The following RBL2 variants were observed in gnomAD, a reference collection of about 807,000 sequenced individuals.
The protein encoded by RBL2 is retinoblastoma-like protein 2.
A neutral mutation model predicts 126.0 loss-of-function variants in RBL2; 56 were observed. That is an observed-to-expected ratio of 0.44 (90% CI 0.36 to 0.56). The LOEUF (loss-of-function observed/expected upper bound fraction) is 0.56, where lower values mean the gene tolerates loss of function less well. RBL2 is among the 20% of genes least tolerant of loss of function. The pLI is 0.00. For synonymous variants in RBL2, 454 were observed against 478.5 expected (o/e 0.95, Z 0.67); for missense variants, 1,229 against 1,398.2 (o/e 0.88, Z 1.93).
rs777480060 is a variant in RBL2 at position 53,453,599 on chromosome 16, T to G, written c.914T>G (p.Leu305Arg). 1 of 1,604,364 alleles carries G rather than the reference T, an allele frequency of 6.2e-7. No homozygotes were observed. Among genetic ancestry groups the G allele is most frequent in the Non-Finnish European group, 8.5e-7 (1 of 1,176,316 alleles). ...EHFWKPYIRK[L>R]YEKKLLKGKE... ...TTCTGGAAACCCTATATTAGGAAAC[T>G]TTATGAAAAAAAGGTTTGTAAGTAG... Residue 305 changes from leucine to arginine, a missense_variant, in exon 6 of 22, where the codon CTT (leucine) becomes CGT (arginine). Physicochemically the swap from Leu to Arg is moderately radical, Grantham distance 102. This residue lies in a region of RBL2 where 1,070 missense variants were observed against 1,274.3 expected (regional missense o/e 0.84). Transcript: ENST00000262133.
At chr16:53,449,202 G>A (rs1346594260) in intron 4 of RBL2, 3 of 151,998 alleles carry the variant, frequency 2.0e-5, no homozygotes, top group African/African-American at 7.2e-5. Flanking sequence ...TGATTGTATT[G>A]GGCAAGTATG....
intron 9 of RBL2, among the ~76,000 whole-genome samples, chr16:53,459,924 G>C (rs886186987): frequency 1.3e-5 from 2 of 151,966 alleles, no homozygotes; most frequent in East Asian, 1.9e-4. Flanking sequence ...AGGTGGGGGC[G>C]GGGGGAAGCT....
intron 4 of RBL2, 79 bp from the exon 5 acceptor site, chr16:53,451,624 A>G (rs1186424389): frequency 6.7e-7 from 1 of 1,487,584 alleles, no homozygotes; most frequent in African/African-American, 1.4e-5. Flanking sequence ...TAATGTCATA[A>G]TAAGTAAAGG....
At chr16:53,438,843 C>CAAAAAAAAAA (rs11302382) in intron 1 of RBL2, among the ~76,000 whole-genome samples, 173 bp from the exon 2 acceptor site, 1 of 30,524 alleles carries the variant, frequency 3.3e-5, no homozygotes, top group Non-Finnish European at 6.5e-5. Context: ...GATTCCATCT[C>CAAAAAAAAAA]AAAAAAAAAA....
chr16:53,458,940 A>T (rs937828726), intron 8 of RBL2, among the ~76,000 whole-genome samples: 1 of 152,228 alleles, frequency 6.6e-6, no homozygotes, highest in Non-Finnish European at 1.5e-5. Flanking sequence ...CGATGCAGAC[A>T]TAGCCAAACC....
At chr16:53,454,610 A>T (rs372386785) in intron 7 of RBL2, 46 bp from the exon 8 acceptor site, 1 of 1,421,034 alleles carries the variant, frequency 7.0e-7, no homozygotes, top group East Asian at 2.3e-5. Context: ...TTGAAATGGC[A>T]GTTCTGTGAG....
chr16:53,439,954 C>CAA (rs10591959), intron 2 of RBL2, among the ~76,000 whole-genome samples: 1,018 of 91,752 alleles, frequency 0.011, 19 homozygotes, highest in African/African-American at 0.037. Flanking sequence ...ACCTTGTCTC[C>CAA]AAAAAAAAAA....
At position 53,444,113 on chromosome 16, in the gene RBL2, G is replaced by A. The variant is rs1356203576; in HGVS notation, c.572+1255G>A. ...AAAATACAAAAATTAGCTGTGCGTG[G>A]TGGTGCATGCCTATAATCCCAGCTA... On this transcript the variant is annotated intron_variant, in intron 3 of 21. Coordinates refer to ENST00000262133, the MANE Select transcript of RBL2 (RefSeq NM_005611.4). 2.0e-5 allele frequency among the ~76,000 whole-genome samples: 3 copies of A among 151,494 alleles called. 1 individual carries two copies. Among genetic ancestry groups the A allele is most frequent in the African/African-American group, 4.9e-5 (2 of 41,148 alleles).
rs574818291 is a variant in RBL2 at position 53,435,636 on chromosome 16, C to CTG, written c.240+849_240+850dup. On this transcript the variant is annotated intron_variant, in intron 1 of 21. Coordinates refer to ENST00000262133, the MANE Select transcript of RBL2 (RefSeq NM_005611.4). ...TACGGATTGTTTATCAGCTGTTTGA[C>CTG]TGTGTGTGTGGCATTTAAACCTGAG... is the stretch of plus-strand genomic sequence containing the variant. 2.7e-4 allele frequency: 345 copies of CTG among 1,284,118 alleles called. 3 individuals are homozygous for CTG. The South Asian group carries it at 2.7e-3, about 10-fold the overall frequency. 79.5% of individuals were successfully genotyped at this position (1,284,118 alleles called of 1,614,324 possible).
intron 17 of RBL2, among the ~76,000 whole-genome samples, chr16:53,476,681 G>A (rs1234178815): frequency 5.3e-5 from 8 of 152,128 alleles, no homozygotes; most frequent in African/African-American, 1.9e-4. Context: ...TTAGGTATGT[G>A]TATAACTGTT....
intron 2 of RBL2, among the ~76,000 whole-genome samples, chr16:53,440,103 C>CAGAAT (rs1193164892): frequency 1.3e-5 from 2 of 152,022 alleles, no homozygotes; most frequent in African/African-American, 2.4e-5. Context: ...GGAGATCAGC[C>CAGAAT]TGGCCAATAT....
chr16:53,449,458 G>C (rs961641097), intron 4 of RBL2: 1 of 151,954 alleles, frequency 6.6e-6, no homozygotes, highest in Non-Finnish European at 1.5e-5. Context: ...GATTGGGCAT[G>C]TTGGCATATG....
rs1961367668 is a variant in RBL2 at position 53,490,322 on chromosome 16, T to G, written c.*22T>G. The G allele has an allele frequency of 2.6e-6, 4 of 1,541,510 alleles. No homozygotes were observed. The highest frequency in any genetic ancestry group is 1.8e-6 in the Non-Finnish European group (2 of 1,137,430). ...CTGAGGTTAGTCTCTTGTATTAAAC[T>G]CTTCACAAAATCTGTTTAGCAGCAG... On this transcript the variant is annotated 3_prime_UTR_variant, in exon 22 of 22. Coordinates refer to ENST00000262133, the MANE Select transcript of RBL2 (RefSeq NM_005611.4).
Position 53,470,237 on chromosome 16 carries a change from A to G in RBL2, c.2245+52A>G, listed in dbSNP as rs146755658. On this transcript the variant is annotated intron_variant, in intron 15 of 21. Transcript: ENST00000262133. ...GTTCCTTCTCTGTGGCATGTATTGA[A>G]AAGTTACCCGAGGTTTGGCTAGAGT... 2.1e-3 allele frequency: 3,326 copies of G among 1,568,062 alleles called. 8 individuals carry two copies. Among genetic ancestry groups the G allele is most frequent in the Middle Eastern group, 4.5e-3 (26 of 5,814 alleles).
At chr16:53,485,321 G>GA (rs1961122078) in intron 21 of RBL2, among the ~76,000 whole-genome samples, 1 of 152,100 alleles carries the variant, frequency 6.6e-6, no homozygotes, top group African/African-American at 2.4e-5. Context: ...ATTGGTTAAA[G>GA]AAAGCACAAG....
At chr16:53,460,145 G>A (rs1031797190) in intron 9 of RBL2, among the ~76,000 whole-genome samples, 5 of 152,132 alleles carry the variant, frequency 3.3e-5, no homozygotes, top group Non-Finnish European at 7.4e-5. Flanking sequence ...CCCTGAGACT[G>A]GTAGGAATAT....
At chr16:53,440,953 C>CTTTTTTTTTTTTTTTTTTTTTTTTT (rs1178378934) in intron 2 of RBL2, among the ~76,000 whole-genome samples, 3 of 71,670 alleles carry the variant, frequency 4.2e-5, no homozygotes, top group Admixed American at 2.0e-4. Context: ...TTTTTCAGTT[C>CTTTTTTTTTTTTTTTTTTTTTTTTT]TTTTTTTTTT....
At chr16:53,488,643 CT>C (rs1961271316) in intron 21 of RBL2, 1 of 152,046 alleles carries the variant, frequency 6.6e-6, no homozygotes, top group Non-Finnish European at 1.5e-5. Flanking sequence ...AACATTTAGA[CT>C]ACTATGAGAA....
chr16:53,451,668 C>A, intron 4 of RBL2, 35 bp from the exon 5 acceptor site: 1 of 1,592,816 alleles, frequency 6.3e-7, no homozygotes, highest in Non-Finnish European at 8.6e-7. Context: ...AAAGTCAATG[C>A]TAATTTAACT....
Sources: allele counts gnomAD v4.1 joint callset (sites outside exome capture counted in the v4.1 genomes callset), GRCh38; gene constraint gnomAD v4.1.1; regional missense constraint gnomAD v4.1.1; transcripts MANE v1.5; gene names NCBI Gene and HGNC (gene_info 2026-07-23, HGNC 2026-07-21).